Variants in PHF24 observed in about 807,000 individuals in gnomAD.
PHF24 encodes Galpha inhibitory interacting protein.
PHF24 carries 25 observed loss-of-function variants against 42.6 expected under a neutral mutation model. The ratio of observed to expected loss-of-function variants is 0.59; its 90% confidence interval spans 0.43 to 0.82. The LOEUF (loss-of-function observed/expected upper bound fraction) is 0.82, where lower values mean the gene tolerates loss of function less well. Among genes scored for constraint, PHF24 ranks in the 40% least tolerant of loss-of-function variants. The pLI is 0.00. For synonymous variants in PHF24, 185 were observed against 204.8 expected (o/e 0.90, Z 0.83); for missense variants, 470 against 538.1 (o/e 0.87, Z 1.25).
chr9:34,874,595 A>AT, the PHF24 span, among the ~76,000 whole-genome samples: 2 of 151,988 alleles, frequency 1.3e-5, no homozygotes, highest in Non-Finnish European at 2.9e-5. Context: ...TTATTTAGTA[A>AT]TTCCCCTAAT....
chr9:34,966,648 A>T (rs10116102), intron 1 of PHF24, among the ~76,000 whole-genome samples: 1 of 151,966 alleles, frequency 6.6e-6, no homozygotes, highest in Non-Finnish European at 1.5e-5. Flanking sequence ...TAGCATGAAT[A>T]TATCACAAGT....
chr9:34,694,827 T>G, the PHF24 span, among the ~76,000 whole-genome samples: 1 of 152,238 alleles, frequency 6.6e-6, no homozygotes, highest in East Asian at 1.9e-4. Flanking sequence ...AGACCCCAAC[T>G]GCCTATCATC....
the PHF24 span, among the ~76,000 whole-genome samples, chr9:34,945,066 C>A: frequency 6.6e-6 from 1 of 152,144 alleles, no homozygotes; most frequent in Non-Finnish European, 1.5e-5. Flanking sequence ...ACTGTTCCCC[C>A]CATGTCTTCC....
chr9:34,922,205 T>C, the PHF24 span: 41 of 1,590,618 alleles, frequency 2.6e-5, 1 homozygote, highest in Middle Eastern at 4.5e-4. Flanking sequence ...CTCCTTCTCC[T>C]GCTTCAGCTT....
At chr9:34,747,696 G>A in the PHF24 span, among the ~76,000 whole-genome samples, 1 of 152,174 alleles carries the variant, frequency 6.6e-6, no homozygotes, top group Non-Finnish European at 1.5e-5. Context: ...AACACAGCTG[G>A]TGGCAGTGTA....
chr9:34,936,225 C>T, the PHF24 span, among the ~76,000 whole-genome samples: 6 of 152,212 alleles, frequency 3.9e-5, no homozygotes, highest in African/African-American at 1.2e-4. Context: ...CGCGCCGCCA[C>T]GCCTGACTGG....
At chr9:34,747,494 C>G in the PHF24 span, among the ~76,000 whole-genome samples, 1 of 152,146 alleles carries the variant, frequency 6.6e-6, no homozygotes, top group Non-Finnish European at 1.5e-5. Flanking sequence ...GGGACCAGAA[C>G]AAGCATTTTA....
the PHF24 span, among the ~76,000 whole-genome samples, chr9:34,753,694 G>A: frequency 1.3e-5 from 2 of 152,012 alleles, no homozygotes; most frequent in African/African-American, 4.8e-5. Context: ...GCTATCCTGA[G>A]CAAAAGAACA....
the PHF24 span, among the ~76,000 whole-genome samples, chr9:34,866,057 T>C: frequency 0.79 from 119,590 of 152,214 alleles, 47,191 homozygotes; most frequent in East Asian, 0.87. Flanking sequence ...GAGGCAATTA[T>C]ACAATGTCAT....
chr9:34,698,769 C>T, the PHF24 span, among the ~76,000 whole-genome samples: 2 of 152,182 alleles, frequency 1.3e-5, no homozygotes, highest in African/African-American at 2.4e-5. Flanking sequence ...TGTGAGCCAC[C>T]GTGCCCAGCC....
At chr9:34,763,304 A>G in the PHF24 span, among the ~76,000 whole-genome samples, 1 of 152,222 alleles carries the variant, frequency 6.6e-6, no homozygotes, top group African/African-American at 2.4e-5. Context: ...GGCCATTTTC[A>G]TGACATTGAT....
At chr9:34,942,239 C>A in the PHF24 span, among the ~76,000 whole-genome samples, 1 of 152,202 alleles carries the variant, frequency 6.6e-6, no homozygotes, top group South Asian at 2.1e-4. Flanking sequence ...AAGCTGGCAG[C>A]CTTCCATGTT....
the PHF24 span, among the ~76,000 whole-genome samples, chr9:34,674,899 C>G: frequency 6.6e-6 from 1 of 152,160 alleles, no homozygotes; most frequent in Non-Finnish European, 1.5e-5. Flanking sequence ...CAGGGTCTCG[C>G]TCTGTCACTC....
chr9:34,883,628 T>C, the PHF24 span, among the ~76,000 whole-genome samples: 2 of 152,252 alleles, frequency 1.3e-5, no homozygotes, highest in Non-Finnish European at 2.9e-5. Context: ...TCATCATCAC[T>C]GGCCATCAGA....
At chr9:34,877,530 A>G in the PHF24 span, among the ~76,000 whole-genome samples, 2 of 152,138 alleles carry the variant, frequency 1.3e-5, no homozygotes, top group Admixed American at 6.6e-5. Flanking sequence ...TGGTATGATG[A>G]AAAAGCGTTT....
the PHF24 span, chr9:34,889,740 C>G: frequency 1.5e-5 from 6 of 397,304 alleles, no homozygotes; most frequent in Non-Finnish European, 2.7e-5. Context: ...CAAATTTTGC[C>G]CTGTAAAACA....
the PHF24 span, among the ~76,000 whole-genome samples, chr9:34,671,848 CATCCATGT>C: frequency 2.0e-5 from 3 of 149,936 alleles, no homozygotes; most frequent in Non-Finnish European, 4.4e-5. Context: ...TCCATCCATC[CATCCATGT>C]GTCTATATGT....
chr9:34,837,386 A>G, the PHF24 span: 1 of 410,556 alleles, frequency 2.4e-6, no homozygotes, highest in Non-Finnish European at 4.6e-6. Context: ...CTGAGAGATG[A>G]AGTGACTTCC....
Position 34,976,518 on chromosome 9 carries a change from C to T in PHF24, c.644-17C>T, listed in dbSNP as rs765051490. 23 of 1,604,718 alleles carry T rather than the reference C, an allele frequency of 1.4e-5. No individual in the cohort carries two copies. In the East Asian group the frequency reaches 2.0e-4, roughly 14 times the overall value. On this transcript the variant is annotated splice_polypyrimidine_tract_variant and intron_variant, in intron 4 of 7. Transcript: ENST00000242315. ...TGAGGAAGGATGGGCATGGCTAGCA[C>T]GGGGTGCCTCCCACAGATTGCTCCC...
Sources: gnomAD v4.1 joint callset for allele counts (sites outside exome capture counted in the v4.1 genomes callset) on GRCh38, gnomAD v4.1.1 for gene constraint, MANE v1.5 for transcripts, NCBI Gene and HGNC (gene_info 2026-07-23, HGNC 2026-07-21) for gene names.